Variants in SLC9B2 observed in about 807,000 individuals in gnomAD.
The protein encoded by SLC9B2 is sodium/hydrogen exchanger 9B2.
A neutral mutation model predicts 52.2 loss-of-function variants in SLC9B2; 39 were observed. That is an observed-to-expected ratio of 0.75 (90% CI 0.58 to 0.98). The LOEUF (loss-of-function observed/expected upper bound fraction) is 0.98, where lower values mean the gene tolerates loss of function less well. SLC9B2 is among the 50% of genes least tolerant of loss of function. SLC9B2 has a pLI of 0.00. For missense variants in SLC9B2, 626 were observed against 637.5 expected (o/e 0.98, Z 0.19); for synonymous variants, 214 against 227.0 (o/e 0.94, Z 0.51).
chr4:103,064,712 TAATA>T (rs1745954964), intron 3 of SLC9B2, among the ~76,000 whole-genome samples: 1 of 152,188 alleles, frequency 6.6e-6, no homozygotes, highest in Admixed American at 6.5e-5. Context: ...GATCATTATA[TAATA>T]TATACATGTA....
rs906086583 is a variant in SLC9B2, at chr4:103,022,870, A to T, written c.*3500T>A. On this transcript the variant is annotated 3_prime_UTR_variant, in exon 12 of 12. Transcript: ENST00000394785. ...CTCATGCTGTGATTAGAGTACCCTT[A>T]TAAGAAGAGACACCAGAGAGCTTGC... is the stretch of plus-strand genomic sequence containing the variant. 1.3e-5 allele frequency among the ~76,000 whole-genome samples: 2 copies of T among 152,184 alleles called. No individual in the cohort carries two copies. The highest frequency in any genetic ancestry group is 4.8e-5 in the African/African-American group (2 of 41,440).
chr4:103,026,155 G>C lies in SLC9B2; in HGVS notation c.*215C>G, dbSNP rs1349942486. The C allele has an allele frequency of 2.1e-6, 1 of 470,818 alleles. No homozygotes were observed. The highest frequency in any genetic ancestry group is 2.0e-5 in the African/African-American group (1 of 51,132). The allele number at this position is 470,818 out of a possible 1,614,324, so 29.2% of individuals were successfully genotyped here. A position where few individuals can be genotyped will look rare whatever the true frequency, so the allele number is the denominator to read the frequency against. On this transcript the variant is annotated 3_prime_UTR_variant, in exon 12 of 12. Transcript: ENST00000394785. ...TATGCAAATTAAGATGGATGATGAA[G>C]GGGTGTTTGAAAAAAAAGGCAGAGA... is the stretch of plus-strand genomic sequence containing the variant.
intron 2 of SLC9B2, 64 bp downstream of exon 2, chr4:103,067,397 G>C: frequency 1.4e-6 from 2 of 1,439,384 alleles, no homozygotes; most frequent in Non-Finnish European, 1.9e-6. Flanking sequence ...TTTGGGGATA[G>C]GAGAATTGGT....
At position 103,067,598 on chromosome 4, in the gene SLC9B2, T is replaced by C. The variant is rs1326815190; in HGVS notation, c.-42-6A>G. ...ACAGGGAAGAGGAACGAGATCTGTTTTGAAAGAGTATAGATATAGAGCAGT... is the reference window on the plus strand; with the variant it reads ...ACAGGGAAGAGGAACGAGATCTGTTCTGAAAGAGTATAGATATAGAGCAGT... On this transcript the variant is annotated splice_polypyrimidine_tract_variant and splice_region_variant and intron_variant, in intron 1 of 11. Transcript: ENST00000394785. The C allele has an allele frequency of 1.4e-6, 2 of 1,396,294 alleles. No homozygotes were observed. The allele number at this position is 1,396,294 out of a possible 1,614,324, so 86.5% of individuals were successfully genotyped here.
intron 7 of SLC9B2, among the ~76,000 whole-genome samples, chr4:103,046,256 C>G (rs1014284667): frequency 4.6e-5 from 7 of 152,168 alleles, no homozygotes; most frequent in African/African-American, 1.7e-4. Flanking sequence ...CTTTGTCAAT[C>G]ATATAATGTT....
chr4:103,054,144 C>G (rs1036752375), intron 4 of SLC9B2, among the ~76,000 whole-genome samples: 3 of 152,010 alleles, frequency 2.0e-5, no homozygotes, highest in African/African-American at 7.2e-5. Flanking sequence ...GGACATGTGC[C>G]TGTAGTCCCA....
chr4:103,027,737 T>C lies in SLC9B2; in HGVS notation c.1392+1010A>G, dbSNP rs560038960. On this transcript the variant is annotated intron_variant, in intron 11 of 11. Coordinates refer to ENST00000394785, the MANE Select transcript of SLC9B2 (RefSeq NM_178833.7). ...AACTCCTGGAGTTTGGCTGGTCACA[T>C]TGCTGTCCAGAGACCTTTTTATAGA... 1.5e-3 allele frequency among the ~76,000 whole-genome samples: 224 copies of C among 152,276 alleles called. 2 individuals carry two copies. The highest frequency in any genetic ancestry group is 5.3e-3 in the African/African-American group (220 of 41,554).
intron 4 of SLC9B2, among the ~76,000 whole-genome samples, chr4:103,051,657 T>C (rs1221408785): frequency 1.3e-5 from 2 of 152,254 alleles, no homozygotes; most frequent in Non-Finnish European, 2.9e-5. Flanking sequence ...AAGTACATAC[T>C]GTACCCCAAC....
intron 4 of SLC9B2, among the ~76,000 whole-genome samples, chr4:103,056,721 C>A (rs867004047): frequency 6.6e-6 from 1 of 152,182 alleles, no homozygotes; most frequent in Non-Finnish European, 1.5e-5. Flanking sequence ...TTCTATATAG[C>A]CAATTTATTC....
chr4:103,044,397 C>A (rs1221393350), intron 8 of SLC9B2, among the ~76,000 whole-genome samples: 2 of 152,140 alleles, frequency 1.3e-5, no homozygotes, highest in Non-Finnish European at 2.9e-5. Flanking sequence ...TGATGATTGA[C>A]TGATTTATGT....
intron 4 of SLC9B2, among the ~76,000 whole-genome samples, chr4:103,055,803 C>CT (rs1400053544): frequency 0.15 from 19,861 of 131,942 alleles, 1,708 homozygotes; most frequent in East Asian, 0.23. Context: ...ATGCAGAATT[C>CT]TTTTTTTTTT....
At chr4:103,043,188 T>G in intron 9 of SLC9B2, 108 bp downstream of exon 9, 1 of 1,232,446 alleles carries the variant, frequency 8.1e-7, no homozygotes, top group Non-Finnish European at 1.1e-6. Flanking sequence ...TTAAGATAGC[T>G]TTTATAATGA....
chr4:103,067,477 A>T lies in SLC9B2; in HGVS notation c.74T>A (p.Met25Lys). ...PSTGMNYTPSMHQEAQEETVM... is the reference protein window; with the variant it reads ...PSTGMNYTPSKHQEAQEETVM... ...TAGATTTACCTGTGCTTCTTGATGC[A>T]TGGAGGGCGTGTAATTCATTCCTGT... Residue 25 changes from methionine to lysine, a missense_variant, in exon 2 of 12, where the codon ATG becomes AAG. Physicochemically the swap from Met to Lys is moderately conservative, Grantham distance 95. Coordinates refer to ENST00000394785, the MANE Select transcript of SLC9B2 (RefSeq NM_178833.7). 1 of 1,613,360 alleles carries T rather than the reference A, an allele frequency of 6.2e-7. No homozygotes were observed. The highest frequency in any genetic ancestry group is 8.5e-7 in the Non-Finnish European group (1 of 1,179,466).
chr4:103,054,608 T>C (rs1375455225), intron 4 of SLC9B2, among the ~76,000 whole-genome samples: 1 of 152,226 alleles, frequency 6.6e-6, no homozygotes, highest in African/African-American at 2.4e-5. Flanking sequence ...AATATGTAAA[T>C]GAATAAACGT....
At chr4:103,048,779 T>G in intron 6 of SLC9B2, 114 bp downstream of exon 6, 1 of 1,242,658 alleles carries the variant, frequency 8.0e-7, no homozygotes, top group Non-Finnish European at 1.1e-6. Flanking sequence ...GTAACATCTA[T>G]GTTGCATTTT....
At chr4:103,028,171 C>T (rs745683003) in intron 11 of SLC9B2, among the ~76,000 whole-genome samples, 16 of 152,090 alleles carry the variant, frequency 1.1e-4, no homozygotes, top group African/African-American at 3.9e-4. Context: ...CACAAATTTT[C>T]GGTTAAGTGA....
At chr4:103,070,630 T>A (rs980568515) in intron 1 of SLC9B2, among the ~76,000 whole-genome samples, 1 of 152,138 alleles carries the variant, frequency 6.6e-6, no homozygotes, top group Non-Finnish European at 1.5e-5. Context: ...TTAGTAGAGA[T>A]GGGTTTTCGC....
At chr4:103,069,360 T>C (rs1463710280) in intron 1 of SLC9B2, among the ~76,000 whole-genome samples, 1 of 152,166 alleles carries the variant, frequency 6.6e-6, no homozygotes, top group Non-Finnish European at 1.5e-5. Context: ...TGACCCCAAA[T>C]ATGGTAACTG....
chr4:103,023,920 G>A lies in SLC9B2; in HGVS notation c.*2450C>T, dbSNP rs1481910068. On this transcript the variant is annotated 3_prime_UTR_variant, in exon 12 of 12. Coordinates refer to ENST00000394785, the MANE Select transcript of SLC9B2 (RefSeq NM_178833.7). ...TCCAAGCCTGTTACTTGGAGAAAATGCCACTGATGACCTGGGAAACAGCAT... is the reference window on the plus strand; with the variant it reads ...TCCAAGCCTGTTACTTGGAGAAAATACCACTGATGACCTGGGAAACAGCAT... Among the ~76,000 whole-genome samples, 1 of 152,156 alleles carries A rather than the reference G, an allele frequency of 6.6e-6. No individual in the cohort carries two copies. Among genetic ancestry groups the A allele is most frequent in the Non-Finnish European group, 1.5e-5 (1 of 68,018 alleles).
Sources: gnomAD v4.1 joint callset for allele counts (sites outside exome capture counted in the v4.1 genomes callset) on GRCh38, gnomAD v4.1.1 for gene constraint, MANE v1.5 for transcripts, NCBI Gene and HGNC (gene_info 2026-07-23, HGNC 2026-07-21) for gene names.